The following KIF22 variants were observed in gnomAD, a reference collection of about 807,000 sequenced individuals.
The protein encoded by KIF22 is kinesin-like protein KIF22.
A neutral mutation model predicts 73.0 loss-of-function variants in KIF22; 62 were observed. That is an observed-to-expected ratio of 0.85 (90% confidence interval 0.69 to 1.05). KIF22 has a LOEUF of 1.05. Ranked by LOEUF, KIF22 falls within the 50% of genes least tolerant of loss-of-function variation. KIF22 has a pLI of 0.00. For missense variants in KIF22, 854 were observed against 870.1 expected, an observed-to-expected ratio of 0.98 and a Z score of 0.23; for synonymous variants, 411 against 340.1, an observed-to-expected ratio of 1.21 and a Z score of -2.29.
chr16:29,798,228 A>C lies in KIF22; in HGVS notation c.267-146A>C. On this transcript the variant is annotated intron_variant, in intron 2 of 13. Transcript: ENST00000160827. The surrounding 1 kb of genome is among the most constrained non-coding windows in gnomAD (Gnocchi z 4.1). ...TGGATGCTTTTTAAGGTCTTTGTAC[A>C]AGAAAGGGGATAGAGACGTTCTCTT... The C allele has an allele frequency of 2.1e-6, 3 of 1,431,446 alleles. No individual in the cohort carries two copies. Among genetic ancestry groups the C allele is most frequent in the Non-Finnish European group, 1.8e-6 (2 of 1,086,314 alleles). The allele number at this position is 1,431,446 out of a possible 1,614,324, so 88.7% of individuals were successfully genotyped here. A position where few individuals can be genotyped will look rare whatever the true frequency, so the allele number is the denominator to read the frequency against.
In KIF22 at chr16:29,798,841, G is replaced by A. The variant is rs1173918921; in HGVS notation, c.549+94G>A. The stretch of plus-strand genomic sequence containing the variant: ...AGCTCTGCTGTAGCAGGGAGGTAAG[G>A]TGAGACCTAGAAAGACAGAGACTGG... On this transcript the variant is annotated intron_variant, in intron 4 of 13. Coordinates refer to ENST00000160827, the MANE Select transcript of KIF22 (RefSeq NM_007317.3). This position sits in a 1 kb window ranked among gnomAD's most constrained non-coding sequence, Gnocchi z 4.1. 1 of 1,557,212 alleles carries A rather than the reference G, an allele frequency of 6.4e-7. No homozygotes were observed. The highest frequency in any genetic ancestry group is 1.4e-5 in the African/African-American group (1 of 73,408).
chr16:29,793,982 A>G (rs972802490), intron 1 of KIF22, among the ~76,000 whole-genome samples: 7 of 152,196 alleles, frequency 4.6e-5, no homozygotes, highest in African/African-American at 1.4e-4. Context: ...GACCCTGCTG[A>G]ATAGTGAGGG....
At position 29,803,446 on chromosome 16, in the gene KIF22, C is replaced by T. The variant is rs776648360; in HGVS notation, c.1450-3C>T. The T allele has an allele frequency of 4.3e-6, 7 of 1,613,796 alleles. No homozygotes were observed. The highest frequency in any genetic ancestry group is 4.2e-6 in the Non-Finnish European group (5 of 1,179,962). Reference sequence around the variant, plus strand: ...ATCACATCTCCCTGATCCTTTCCAACAGAGGCTTAAGACGAAGCAAAAAGA... The same window carrying T: ...ATCACATCTCCCTGATCCTTTCCAATAGAGGCTTAAGACGAAGCAAAAAGA... On this transcript the variant is annotated splice_polypyrimidine_tract_variant and splice_region_variant and intron_variant, in intron 9 of 13. Coordinates refer to ENST00000160827, the MANE Select transcript of KIF22 (RefSeq NM_007317.3).
In KIF22 at chr16:29,799,504, A is replaced by T; in HGVS notation, c.990+10A>T. The T allele has an allele frequency of 6.2e-7, 1 of 1,613,876 alleles. No individual in the cohort carries two copies. The highest frequency in any genetic ancestry group is 8.5e-7 in the Non-Finnish European group (1 of 1,179,826). ...CACTCGCCTATTGCAGGTCAGGCCC[A>T]CCTGTCTCAGGGAAGAAGGGGCTGC... On this transcript the variant is annotated intron_variant, in intron 6 of 13. Transcript: ENST00000160827.
At chr16:29,804,124 T>C in intron 11 of KIF22, 59 bp downstream of exon 11, 2 of 1,390,724 alleles carry the variant, frequency 1.4e-6, no homozygotes, top group Non-Finnish European at 1.0e-6. Context: ...GGGAGTAGGC[T>C]CTAGGGGGAG....
At chr16:29,796,284 A>AAAAAACAC (rs1410758267) in intron 1 of KIF22, among the ~76,000 whole-genome samples, 1 of 146,614 alleles carries the variant, frequency 6.8e-6, no homozygotes, top group South Asian at 2.2e-4. Context: ...AAAAAAAAAA[A>AAAAAACAC]ACACACACAC....
At chr16:29,801,752 C>A (rs1246681533) in intron 8 of KIF22, among the ~76,000 whole-genome samples, 1 of 152,144 alleles carries the variant, frequency 6.6e-6, no homozygotes, top group East Asian at 1.9e-4. Flanking sequence ...GAGATGACTT[C>A]TAGTGTTTGC....
chr16:29,794,007 A>T (rs1262420083), intron 1 of KIF22, among the ~76,000 whole-genome samples: 1 of 152,178 alleles, frequency 6.6e-6, no homozygotes, highest in Non-Finnish European at 1.5e-5. Flanking sequence ...AGCAAGTTGC[A>T]GGGATGGAGG....
intron 7 of KIF22, 62 bp from the exon 8 acceptor site, chr16:29,799,851 G>A (rs552728302): frequency 3.7e-6 from 6 of 1,612,286 alleles, no homozygotes; most frequent in Middle Eastern, 1.7e-4. Flanking sequence ...AAACCACCAA[G>A]CATCAGCACA....
chr16:29,803,937 C>A (rs1448051153), intron 10 of KIF22, 61 bp from the exon 11 acceptor site: 2 of 1,269,854 alleles, frequency 1.6e-6, no homozygotes, highest in Non-Finnish European at 1.2e-6. Context: ...AATCGAAGGG[C>A]TACCAGGGAG....
Position 29,804,011 on chromosome 16 carries a change from A to G in KIF22, c.1623A>G (p.Ala541=). ...TCCTACTTTCAGTTCAGGAGCAGGCAGCATCCCCAAATGCCGAGATCCACA... is the reference window on the plus strand; with the variant it reads ...TCCTACTTTCAGTTCAGGAGCAGGCGGCATCCCCAAATGCCGAGATCCACA... ...VMPLQLIQEQ[A]ASPNAEIHIL... Residue 541 remains alanine, a synonymous_variant, in exon 11 of 14, where the codon GCA becomes GCG. Coordinates refer to ENST00000160827, the MANE Select transcript of KIF22 (RefSeq NM_007317.3). 1 of 1,608,934 alleles carries G rather than the reference A, an allele frequency of 6.2e-7. No homozygotes were observed. The highest frequency in any genetic ancestry group is 8.5e-7 in the Non-Finnish European group (1 of 1,177,874).
In KIF22 at chr16:29,797,319, AG is replaced by A. The variant is rs1380911054; in HGVS notation, c.266+234del. ...CAAACATACATTACTGTGCACAGAG[AG>A]GGAGGAGCAATGAGGGTGAGCAGGT... On this transcript the variant is annotated intron_variant, in intron 2 of 13. Coordinates refer to ENST00000160827, the MANE Select transcript of KIF22 (RefSeq NM_007317.3). The surrounding 1 kb of genome is among the most constrained non-coding windows in gnomAD (Gnocchi z 4.1). Among the ~76,000 whole-genome samples, 2 of 152,084 alleles carry A rather than the reference AG, an allele frequency of 1.3e-5. No individual in the cohort carries two copies. Among genetic ancestry groups the A allele is most frequent in the East Asian group, 3.9e-4 (2 of 5,184 alleles).
At position 29,797,254 on chromosome 16, in the gene KIF22, C is replaced by A. The variant is rs1898976608; in HGVS notation, c.266+166C>A. ...TGTTGACAGGTGCCCCCATGATGGG[C>A]CCTCTCTGGGATACTGTAGGGAGAG... On this transcript the variant is annotated intron_variant, in intron 2 of 13. Coordinates refer to ENST00000160827, the MANE Select transcript of KIF22 (RefSeq NM_007317.3). The surrounding 1 kb of genome is among the most constrained non-coding windows in gnomAD (Gnocchi z 4.1). Among the ~76,000 whole-genome samples, 1 of 152,190 alleles carries A rather than the reference C, an allele frequency of 6.6e-6. No individual in the cohort carries two copies. The highest frequency in any genetic ancestry group is 6.5e-5 in the Admixed American group (1 of 15,278).
intron 1 of KIF22, 165 bp downstream of exon 1, chr16:29,790,994 C>G: frequency 6.8e-7 from 1 of 1,461,542 alleles, no homozygotes; most frequent in Non-Finnish European, 9.1e-7. Context: ...AGCCGGTCGC[C>G]CCGCCTGGCT....
At position 29,798,001 on chromosome 16, in the gene KIF22, ATTTC is replaced by A. The variant is rs572483032; in HGVS notation, c.267-365_267-362del. On this transcript the variant is annotated intron_variant, in intron 2 of 13. Coordinates refer to ENST00000160827, the MANE Select transcript of KIF22 (RefSeq NM_007317.3). This position sits in a 1 kb window ranked among gnomAD's most constrained non-coding sequence, Gnocchi z 4.1. Reference sequence around the variant, plus strand: ...TTTTTTGCTATTCTTGATTCTCAGAATTTCTTTCTTTGGTCAAAATCTTCCTTCC... The same window carrying A: ...TTTTTTGCTATTCTTGATTCTCAGAATTTCTTTGGTCAAAATCTTCCTTCC... 1.5e-3 allele frequency among the ~76,000 whole-genome samples: 227 copies of A among 152,316 alleles called. 2 individuals are homozygous for A. The highest frequency in any genetic ancestry group is 5.3e-3 in the African/African-American group (220 of 41,568).
Position 29,805,154 on chromosome 16 carries a change from C to G in KIF22, c.1930C>G (p.Gln644Glu). Residue 644 changes from glutamine (Q) to glutamate (E), a missense_variant, in exon 13 of 14, where the codon CAG (glutamine) becomes GAG (glutamate). This residue lies in a region of KIF22 where 423 missense variants were observed against 365.4 expected (regional missense o/e 1.16). Coordinates refer to ENST00000160827, the MANE Select transcript of KIF22 (RefSeq NM_007317.3). ...ACGCGTGGAGGGCATAACGGGGAAA[C>G]AGATGGAGTCCTTCCTGAAGGTGAA... is the stretch of plus-strand genomic sequence containing the variant. ...LERVEGITGK[Q>E]MESFLKANIL... is the part of the protein sequence containing the mutation. The G allele has an allele frequency of 6.2e-7, 1 of 1,613,992 alleles. No individual in the cohort carries two copies. Among genetic ancestry groups the G allele is most frequent in the South Asian group, 1.1e-5 (1 of 91,076 alleles).
intron 8 of KIF22, among the ~76,000 whole-genome samples, chr16:29,802,285 A>AG (rs1252245378): frequency 2.6e-5 from 4 of 151,298 alleles, no homozygotes; most frequent in African/African-American, 9.7e-5. Flanking sequence ...AAAAAAAAAA[A>AG]AAAAAAAGAA....
chr16:29,799,454 G>A lies in KIF22; in HGVS notation c.950G>A (p.Arg317His), dbSNP rs748823568. The A allele has an allele frequency of 8.7e-6, 14 of 1,614,054 alleles. No homozygotes were observed. Among genetic ancestry groups the A allele is most frequent in the South Asian group, 4.4e-5 (4 of 91,084 alleles). ...GATGCGCTGAATCAGGGCCTCCCTC[G>A]TGTACCTTATCGGGACAGCAAGCTC... The part of the protein sequence containing the change: ...VVDALNQGLP[R>H]VPYRDSKLTR... Residue 317 changes from arginine (R) to histidine (H), a missense_variant, in exon 6 of 14, where the codon CGT (arginine) becomes CAT (histidine). Physicochemically the swap from Arg to His is conservative, Grantham distance 29 (BLOSUM62 0). Transcript: ENST00000160827.
chr16:29,802,668 C>T (rs890980383), intron 8 of KIF22, 101 bp from the exon 9 acceptor site: 1 of 1,134,334 alleles, frequency 8.8e-7, no homozygotes, highest in Non-Finnish European at 1.2e-6. Context: ...GGTTCTGGAG[C>T]TACAGGATAT....
Sources: gnomAD v4.1 joint callset for allele counts (sites outside exome capture counted in the v4.1 genomes callset) on GRCh38, gnomAD v4.1.1 for gene constraint, gnomAD v4.1.1 regional missense constraint, Gnocchi (gnomAD v3.1) non-coding constraint, MANE v1.5 for transcripts, NCBI Gene and HGNC (gene_info 2026-07-23, HGNC 2026-07-21) for gene names.